The following SVEP1 variants were observed in gnomAD, a reference collection of about 807,000 sequenced individuals.
SVEP1 encodes sushi, von Willebrand factor type A, EGF and pentraxin domain containing 1, also known as sushi, von Willebrand factor type A, EGF and pentraxin domain-containing protein 1.
A neutral mutation model predicts 367.3 loss-of-function variants in SVEP1; 164 were observed. That is an observed-to-expected ratio of 0.45 (90% CI 0.39 to 0.51). The LOEUF (loss-of-function observed/expected upper bound fraction) is 0.51, where lower values mean the gene tolerates loss of function less well. Ranked by LOEUF, SVEP1 falls within the 20% of genes least tolerant of loss-of-function variation. The pLI is 0.00. For synonymous variants in SVEP1, 1,666 were observed against 1,611.6 expected (o/e 1.03, Z -0.81); for missense variants, 4,117 against 4,425.3 (o/e 0.93, Z 1.98).
chr9:110,531,261 T>C (rs1830014370), intron 3 of SVEP1, among the ~76,000 whole-genome samples: 1 of 152,228 alleles, frequency 6.6e-6, no homozygotes. Flanking sequence ...TTCATTTAAC[T>C]GCTTCCATAT....
Position 110,579,000 on chromosome 9 carries a change from G to C in SVEP1, c.531+13C>G. 1 of 1,531,580 alleles carries C rather than the reference G, an allele frequency of 6.5e-7. No individual in the cohort carries two copies. Among genetic ancestry groups the C allele is most frequent in the South Asian group, 1.2e-5 (1 of 81,182 alleles). The allele number at this position is 1,531,580 out of a possible 1,614,324, so 94.9% of individuals were successfully genotyped here. On this transcript the variant is annotated intron_variant, in intron 1 of 47. Coordinates refer to ENST00000374469, the MANE Select transcript of SVEP1 (RefSeq NM_153366.4). Reference sequence around the variant, plus strand: ...GGGACTAGGGCCCGGGTCGGGAGGGGCGGGCGCCTTACCGCGGCTTGCTGG... The same window carrying C: ...GGGACTAGGGCCCGGGTCGGGAGGGCCGGGCGCCTTACCGCGGCTTGCTGG...
At chr9:110,423,626 C>T (rs528734061) in intron 36 of SVEP1, among the ~76,000 whole-genome samples, 1 of 152,040 alleles carries the variant, frequency 6.6e-6, no homozygotes, top group South Asian at 2.1e-4. Flanking sequence ...CAAAAAAAAT[C>T]CCTAAAGGAC....
intron 47 of SVEP1, among the ~76,000 whole-genome samples, chr9:110,368,493 T>C (rs1408291912): frequency 6.6e-6 from 1 of 152,220 alleles, no homozygotes; most frequent in African/African-American, 2.4e-5. Context: ...TTTTCCTGAT[T>C]AATGTACAGT....
chr9:110,570,143 C>T (rs996826667), intron 1 of SVEP1, among the ~76,000 whole-genome samples: 6 of 152,082 alleles, frequency 3.9e-5, no homozygotes, highest in South Asian at 2.1e-4. Context: ...GACTCTATGC[C>T]GGCAATCCAG....
chr9:110,502,922 A>T (rs1358714085), intron 6 of SVEP1, 116 bp downstream of exon 6: 16 of 1,049,766 alleles, frequency 1.5e-5, no homozygotes, highest in Non-Finnish European at 2.0e-5. Flanking sequence ...GTACATGTGG[A>T]TATGTATTTA....
intron 3 of SVEP1, among the ~76,000 whole-genome samples, chr9:110,543,088 G>A (rs1305977165): frequency 6.6e-6 from 1 of 151,796 alleles, no homozygotes; most frequent in African/African-American, 2.4e-5. Context: ...AGGAGAGTCT[G>A]GTCATGAGTC....
intron 46 of SVEP1, among the ~76,000 whole-genome samples, chr9:110,371,711 G>A (rs139515347): frequency 9.2e-5 from 14 of 152,250 alleles, no homozygotes; most frequent in African/African-American, 3.1e-4. Context: ...ACAGCTTTTA[G>A]TCTTCCAAGT....
intron 1 of SVEP1, among the ~76,000 whole-genome samples, chr9:110,569,680 C>A (rs975519668): frequency 6.6e-6 from 1 of 152,112 alleles, no homozygotes; most frequent in African/African-American, 2.4e-5. Context: ...CTCTATTTAT[C>A]TTGTGGAATT....
chr9:110,384,709 A>G (rs1336294818), intron 43 of SVEP1, among the ~76,000 whole-genome samples: 6 of 152,248 alleles, frequency 3.9e-5, no homozygotes, highest in African/African-American at 1.2e-4. Flanking sequence ...GCATAAGTTT[A>G]GAGTTAAACA....
intron 3 of SVEP1, among the ~76,000 whole-genome samples, chr9:110,516,204 AAATAT>A (rs1214483926): frequency 6.7e-6 from 1 of 149,902 alleles, no homozygotes; most frequent in Non-Finnish European, 1.5e-5. Flanking sequence ...TATAAAATAA[AAATAT>A]AATATACTAA....
At chr9:110,573,789 T>C (rs1830593368) in intron 1 of SVEP1, among the ~76,000 whole-genome samples, 1 of 152,204 alleles carries the variant, frequency 6.6e-6, no homozygotes, top group South Asian at 2.1e-4. Flanking sequence ...CGTTATGAGA[T>C]AATTACTCAC....
At chr9:110,379,645 T>C (rs1169447137) in intron 43 of SVEP1, 128 bp from the exon 44 acceptor site, 2 of 933,880 alleles carry the variant, frequency 2.1e-6, no homozygotes, top group East Asian at 2.7e-5. Flanking sequence ...CCTACTTATC[T>C]AGAATAGTAA....
chr9:110,442,241 C>G (rs946831336), intron 27 of SVEP1, among the ~76,000 whole-genome samples: 6 of 152,196 alleles, frequency 3.9e-5, no homozygotes, highest in African/African-American at 1.4e-4. Context: ...GTGATGAACA[C>G]CTCACTCTCT....
At chr9:110,554,009 T>A (rs952581490) in intron 1 of SVEP1, among the ~76,000 whole-genome samples, 1 of 152,218 alleles carries the variant, frequency 6.6e-6, no homozygotes, top group Non-Finnish European at 1.5e-5. Flanking sequence ...TGCTGTGACA[T>A]AGAGACTACT....
At chr9:110,390,609 A>G (rs1827640767) in intron 40 of SVEP1, among the ~76,000 whole-genome samples, 1 of 151,728 alleles carries the variant, frequency 6.6e-6, no homozygotes, top group Non-Finnish European at 1.5e-5. Flanking sequence ...TCTTTTTACA[A>G]CTTCTCAGGT....
chr9:110,507,042 A>T lies in SVEP1; in HGVS notation c.1304-3825T>A, dbSNP rs1324241492. ...TTCACGAACAGAGATTGGAGAGGAAAAAAGAGTCGGTGCCTGTTAAATATG... is the reference window on the plus strand; with the variant it reads ...TTCACGAACAGAGATTGGAGAGGAATAAAGAGTCGGTGCCTGTTAAATATG... On this transcript the variant is annotated intron_variant, in intron 5 of 47. Transcript: ENST00000374469. Among the ~76,000 whole-genome samples, 3 of 152,322 alleles carry T rather than the reference A, an allele frequency of 2.0e-5. No homozygotes were observed. The East Asian group carries it at 5.8e-4, about 29-fold the overall frequency.
At chr9:110,393,305 C>A (rs1158684156) in intron 40 of SVEP1, among the ~76,000 whole-genome samples, 1 of 152,102 alleles carries the variant, frequency 6.6e-6, no homozygotes, top group Admixed American at 6.5e-5. Flanking sequence ...TAAGCCTGGT[C>A]CCAGACTGCA....
intron 3 of SVEP1, among the ~76,000 whole-genome samples, chr9:110,520,969 C>G (rs1034697047): frequency 2.6e-5 from 4 of 152,136 alleles, no homozygotes; most frequent in Non-Finnish European, 2.9e-5. Context: ...CTACTTTCTG[C>G]TATAAATAGG....
At chr9:110,574,746 T>C (rs909675645) in intron 1 of SVEP1, among the ~76,000 whole-genome samples, 11 of 85,370 alleles carry the variant, frequency 1.3e-4, no homozygotes, top group East Asian at 7.7e-4. Context: ...CGACCTTCTT[T>C]TTTTTTTTTT....
Sources: gnomAD v4.1 joint callset for allele counts (sites outside exome capture counted in the v4.1 genomes callset) on GRCh38, gnomAD v4.1.1 for gene constraint, MANE v1.5 for transcripts, NCBI Gene and HGNC (gene_info 2026-07-23, HGNC 2026-07-21) for gene names.